Variants in ZNF804B observed in about 807,000 individuals in gnomAD.
ZNF804B encodes zinc finger 804B.
Under a neutral mutation model 101.4 loss-of-function variants are expected in ZNF804B, and 80 were observed. The observed-to-expected ratio is 0.79, with a 90% confidence interval of 0.66 to 0.95. ZNF804B has a LOEUF of 0.95. ZNF804B is among the 40% of genes least tolerant of loss of function. The pLI is 0.00. For missense variants in ZNF804B, 1,673 were observed against 1,561.9 expected (o/e 1.07, Z -1.20); for synonymous variants, 622 against 558.8 (o/e 1.11, Z -1.59).
chr7:89,270,399 G>A (rs1007360623), intron 2 of ZNF804B, among the ~76,000 whole-genome samples: 1 of 151,928 alleles, frequency 6.6e-6, no homozygotes, highest in African/African-American at 2.4e-5. Flanking sequence ...TATTTTTGAG[G>A]GCTCTGTTCT....
intron 1 of ZNF804B, among the ~76,000 whole-genome samples, chr7:88,809,347 CTATCTATCTACCTAT>C (rs1341939254): frequency 7.4e-4 from 111 of 150,186 alleles, no homozygotes; most frequent in African/African-American, 8.0e-4. Context: ...ATCTATCTAT[CTATCTATCTACCTAT>C]CTATCTACCT....
chr7:89,055,701 T>C (rs1012986596), intron 1 of ZNF804B, among the ~76,000 whole-genome samples: 4 of 152,054 alleles, frequency 2.6e-5, no homozygotes, highest in Admixed American at 1.3e-4. Context: ...AGGCAGGAAA[T>C]TCCATGGTCC....
chr7:89,298,172 A>G (rs1790413585), intron 2 of ZNF804B, among the ~76,000 whole-genome samples: 1 of 130,918 alleles, frequency 7.6e-6, no homozygotes, highest in South Asian at 2.4e-4. Flanking sequence ...TATATTTCAT[A>G]TATATATAGT....
intron 2 of ZNF804B, among the ~76,000 whole-genome samples, chr7:89,272,837 T>C (rs1789918703): frequency 6.6e-6 from 1 of 152,094 alleles, no homozygotes. Context: ...ATTAACTGTC[T>C]TAGACAGAAC....
At chr7:88,770,363 G>A (rs142873315) in intron 1 of ZNF804B, among the ~76,000 whole-genome samples, 159 of 152,260 alleles carry the variant, frequency 1.0e-3, no homozygotes, top group Non-Finnish European at 5.3e-4. Context: ...AGGATGCTAT[G>A]CTTCTAGGTC....
intron 2 of ZNF804B, among the ~76,000 whole-genome samples, chr7:89,294,097 G>C (rs1790342719): frequency 6.6e-6 from 1 of 152,014 alleles, no homozygotes; most frequent in African/African-American, 2.4e-5. Context: ...CTTAGATTTT[G>C]GGTTAATTGG....
chr7:89,118,441 CA>C (rs1257878587), intron 1 of ZNF804B, among the ~76,000 whole-genome samples: 7 of 152,106 alleles, frequency 4.6e-5, no homozygotes, highest in Admixed American at 2.6e-4. Context: ...ACACCTCTTT[CA>C]AAATCCATCT....
chr7:89,012,753 C>T (rs761067423), intron 1 of ZNF804B, among the ~76,000 whole-genome samples: 1 of 152,196 alleles, frequency 6.6e-6, no homozygotes, highest in Non-Finnish European at 1.5e-5. Context: ...CAAACCTCTG[C>T]CTGTTACCCA....
chr7:89,208,265 A>G (rs1054139007), intron 1 of ZNF804B, among the ~76,000 whole-genome samples: 6 of 151,768 alleles, frequency 4.0e-5, no homozygotes, highest in African/African-American at 1.2e-4. Flanking sequence ...TGTATTTTTA[A>G]TAGAGACGGT....
chr7:88,961,747 C>G (rs1476272356), intron 1 of ZNF804B, among the ~76,000 whole-genome samples: 1 of 151,154 alleles, frequency 6.6e-6, no homozygotes, highest in Admixed American at 6.6e-5. Context: ...AACTATATCA[C>G]CAAAAGCAAA....
chr7:88,772,538 T>C (rs1790084713), intron 1 of ZNF804B, among the ~76,000 whole-genome samples: 1 of 152,164 alleles, frequency 6.6e-6, no homozygotes, highest in Admixed American at 6.6e-5. Context: ...TACATAAGCA[T>C]CCCTAAGTCT....
intron 2 of ZNF804B, among the ~76,000 whole-genome samples, chr7:89,290,970 A>G (rs982905998): frequency 6.6e-6 from 1 of 152,150 alleles, no homozygotes; most frequent in African/African-American, 2.4e-5. Flanking sequence ...ACATAATGGA[A>G]GAAATCAAGA....
At chr7:88,900,828 T>A (rs1792378177) in intron 1 of ZNF804B, among the ~76,000 whole-genome samples, 1 of 151,758 alleles carries the variant, frequency 6.6e-6, no homozygotes, top group African/African-American at 2.4e-5. Flanking sequence ...AGTTGTGTTA[T>A]TGAATTGACC....
chr7:88,854,476 T>TCTTTCCTTTC (rs1554340147), intron 1 of ZNF804B, among the ~76,000 whole-genome samples: 17 of 48,762 alleles, frequency 3.5e-4, no homozygotes, highest in African/African-American at 1.0e-3. Flanking sequence ...TCTTTCTTTC[T>TCTTTCCTTTC]CTTTCCTTTC....
chr7:88,851,448 A>T (rs1007037730), intron 1 of ZNF804B, among the ~76,000 whole-genome samples: 1 of 152,094 alleles, frequency 6.6e-6, no homozygotes, highest in Non-Finnish European at 1.5e-5. Flanking sequence ...TTTGGAAACA[A>T]TGCAAGCTAA....
chr7:89,095,599 A>T (rs1321856787), intron 1 of ZNF804B, among the ~76,000 whole-genome samples: 1 of 152,162 alleles, frequency 6.6e-6, no homozygotes, highest in African/African-American at 2.4e-5. Flanking sequence ...TTTAATAATA[A>T]ATTTGTGAAG....
At chr7:88,930,811 C>G (rs572054956) in intron 1 of ZNF804B, among the ~76,000 whole-genome samples, 54 of 151,852 alleles carry the variant, frequency 3.6e-4, no homozygotes, top group Non-Finnish European at 7.1e-4. Context: ...TACCAACATG[C>G]AGAATCATGC....
At chr7:89,222,163 G>C (rs1172778278) in intron 2 of ZNF804B, among the ~76,000 whole-genome samples, 1 of 151,896 alleles carries the variant, frequency 6.6e-6, no homozygotes, top group Non-Finnish European at 1.5e-5. Flanking sequence ...CAGTTAAAAA[G>C]CGTAATCTAT....
At chr7:89,272,649 A>G (rs1400561503) in intron 2 of ZNF804B, among the ~76,000 whole-genome samples, 1 of 152,126 alleles carries the variant, frequency 6.6e-6, no homozygotes. Flanking sequence ...TGTCACTTTT[A>G]AAAATGATCT....
Sources: allele counts gnomAD v4.1 joint callset (sites outside exome capture counted in the v4.1 genomes callset), GRCh38; gene constraint gnomAD v4.1.1; transcripts MANE v1.5; gene names NCBI Gene and HGNC (gene_info 2026-07-23, HGNC 2026-07-21).